The following PLEKHM1 variants were observed in gnomAD, a reference collection of about 807,000 sequenced individuals.
PLEKHM1 encodes the protein pleckstrin homology domain-containing family M member 1.
In PLEKHM1, 28 loss-of-function variants were observed where a neutral mutation model predicts 94.3. That is an observed-to-expected ratio of 0.30 (90% CI 0.22 to 0.41). The LOEUF (loss-of-function observed/expected upper bound fraction) is 0.41, where lower values mean the gene tolerates loss of function less well. Among genes scored for constraint, PLEKHM1 ranks in the 10% least tolerant of loss-of-function variants. PLEKHM1 has a pLI of 1.00. For missense variants in PLEKHM1, 907 were observed against 1,358.6 expected, an observed-to-expected ratio of 0.67 and a Z score of 5.22; for synonymous variants, 424 against 581.2, an observed-to-expected ratio of 0.73 and a Z score of 3.89.
intron 3 of PLEKHM1, 95 bp from the exon 4 acceptor site, chr17:45,475,821 G>A (rs528191815): frequency 4.7e-6 from 6 of 1,268,968 alleles, no homozygotes; most frequent in South Asian, 2.6e-5. Context: ...AATAACTACT[G>A]CAAATAGATA....
At position 45,437,878 on chromosome 17, in the gene PLEKHM1, C is replaced by T. The variant is rs1567757105; in HGVS notation, c.3151G>A (p.Glu1051Lys). ...GGGCATCAGGCGAAAATGTTCTGTT[C>T]CTGGTACTTGCGCCGGCGGGCACAG... is the stretch of plus-strand genomic sequence containing the variant. ...PRCARRRKYQEQNIFA is the reference protein window; with the variant it reads ...PRCARRRKYQKQNIFA The change falls in exon 12 of 12, where the codon GAA becomes AAA. Residue 1051 changes from glutamate to lysine, a missense_variant. Physicochemically the swap from Glu to Lys is moderately conservative, Grantham distance 56. This residue lies in a region of PLEKHM1 where 254 missense variants were observed against 451.1 expected (regional missense o/e 0.56). Coordinates refer to ENST00000430334, the MANE Select transcript of PLEKHM1 (RefSeq NM_014798.3). The surrounding 1 kb of genome is among the most constrained non-coding windows in gnomAD (Gnocchi z 4.0). The T allele has an allele frequency of 7.4e-6, 12 of 1,613,954 alleles. No homozygotes were observed. The highest frequency in any genetic ancestry group is 1.3e-5 in the African/African-American group (1 of 75,066).
At position 45,445,992 on chromosome 17, in the gene PLEKHM1, C is replaced by T. The variant is rs1335073066; in HGVS notation, c.2644-329G>A. The stretch of plus-strand genomic sequence containing the variant: ...CTCTGGGCCTCACAGATCCTTCCCA[C>T]TCTTTCCTGTCCTCCCAGCCCCTAT... On this transcript the variant is annotated intron_variant, in intron 8 of 11. Transcript: ENST00000430334. This position sits in a 1 kb window ranked among gnomAD's most constrained non-coding sequence, Gnocchi z 4.2. 2 of 482,944 alleles carry T rather than the reference C, an allele frequency of 4.1e-6. No homozygotes were observed. Among genetic ancestry groups the T allele is most frequent in the Non-Finnish European group, 7.5e-6 (2 of 265,492 alleles). The allele number at this position is 482,944 out of a possible 1,614,324, so 29.9% of individuals were successfully genotyped here.
In PLEKHM1 at chr17:45,445,444, C is replaced by T. The variant is rs762914393; in HGVS notation, c.2837+26G>A. On this transcript the variant is annotated intron_variant, in intron 9 of 11. Transcript: ENST00000430334. The surrounding 1 kb of genome is among the most constrained non-coding windows in gnomAD (Gnocchi z 4.2). The stretch of plus-strand genomic sequence containing the variant: ...GCATGTGCGTGTGTACGTGCACTCA[C>T]ACGCATACACGTAGAGGTTGCTCAC... 1.3e-6 allele frequency: 2 copies of T among 1,598,170 alleles called. No homozygotes were observed. Among genetic ancestry groups the T allele is most frequent in the African/African-American group, 1.3e-5 (1 of 74,924 alleles).
rs193070177 is a variant in PLEKHM1, at chr17:45,444,069, G to A, written c.2837+1401C>T. Among the ~76,000 whole-genome samples, 51 of 152,252 alleles carry A rather than the reference G, an allele frequency of 3.3e-4. No individual in the cohort carries two copies. The East Asian group carries it at 6.8e-3, about 20-fold the overall frequency. On this transcript the variant is annotated intron_variant, in intron 9 of 11. Coordinates refer to ENST00000430334, the MANE Select transcript of PLEKHM1 (RefSeq NM_014798.3). The surrounding 1 kb of genome is among the most constrained non-coding windows in gnomAD (Gnocchi z 5.0). The stretch of plus-strand genomic sequence containing the variant: ...CTTGAGAGCCCCTGGGGACCTGCTC[G>A]AGGCACACCCTGGCCCTGAGGAGGC...
chr17:45,442,880 T>G (rs944697249), intron 9 of PLEKHM1, among the ~76,000 whole-genome samples: 3 of 152,188 alleles, frequency 2.0e-5, no homozygotes, highest in African/African-American at 7.2e-5. Flanking sequence ...GTCAGTGAGC[T>G]GTGCTCCTGC....
At chr17:45,446,072 G>T (rs1401615749) in intron 8 of PLEKHM1, 2 of 303,766 alleles carry the variant, frequency 6.6e-6, no homozygotes, top group Non-Finnish European at 1.3e-5. Flanking sequence ...TCAGGAACCA[G>T]GTGACGGGCT....
chr17:45,490,483 C>T (rs2052278999), intron 1 of PLEKHM1, among the ~76,000 whole-genome samples, 169 bp downstream of exon 1: 1 of 151,888 alleles, frequency 6.6e-6, no homozygotes, highest in African/African-American at 2.4e-5. Context: ...AAGGCTGGGT[C>T]GGAGAGGAGC....
intron 5 of PLEKHM1, among the ~76,000 whole-genome samples, 172 bp from the exon 6 acceptor site, chr17:45,458,611 C>T (rs927264650): frequency 1.3e-5 from 2 of 152,176 alleles, no homozygotes; most frequent in East Asian, 3.9e-4. Flanking sequence ...GCTGGGATTA[C>T]AGGCGCCCAC....
At chr17:45,482,645 T>C (rs2051990601) in intron 1 of PLEKHM1, 120 bp from the exon 2 acceptor site, 1 of 691,512 alleles carries the variant, frequency 1.4e-6, no homozygotes, top group South Asian at 1.5e-5. Flanking sequence ...AAAAGGCCTT[T>C]GCAGAACACA....
Position 45,435,926 on chromosome 17 carries a change from C to T in PLEKHM1, c.*1932G>A. ...GATGAGAAAGATCAGGTCTTTACTG[C>T]AAAATCATTCAAAACTCACACGGCA... is the stretch of plus-strand genomic sequence containing the variant. On this transcript the variant is annotated 3_prime_UTR_variant, in exon 12 of 12. Transcript: ENST00000430334. 2.2e-6 allele frequency: 1 copy of T among 456,078 alleles called. No individual in the cohort carries two copies. Among genetic ancestry groups the T allele is most frequent in the South Asian group, 1.5e-5 (1 of 64,550 alleles). 28.3% of individuals were successfully genotyped at this position (456,078 alleles called of 1,614,324 possible). A position where few individuals can be genotyped will look rare whatever the true frequency, so the allele number is the denominator to read the frequency against.
intron 5 of PLEKHM1, among the ~76,000 whole-genome samples, chr17:45,460,959 A>C (rs551732880): frequency 2.0e-5 from 3 of 152,270 alleles, no homozygotes; most frequent in African/African-American, 7.2e-5. Flanking sequence ...ATCCTGGCTC[A>C]CTGCAAGCTC....
chr17:45,473,238 T>C (rs1320894651), intron 4 of PLEKHM1, among the ~76,000 whole-genome samples: 2 of 152,092 alleles, frequency 1.3e-5, no homozygotes, highest in Admixed American at 6.6e-5. Flanking sequence ...CATTAAATAC[T>C]GGGCTGATTA....
intron 11 of PLEKHM1, 77 bp from the exon 12 acceptor site, chr17:45,438,046 G>T: frequency 9.3e-7 from 1 of 1,077,376 alleles, no homozygotes; most frequent in South Asian, 1.3e-5. Flanking sequence ...CAGCCCTTTT[G>T]ACCAGAACCC....
chr17:45,468,182 GCC>G (rs2051378535), intron 5 of PLEKHM1, 25 bp downstream of exon 5: 1 of 1,612,598 alleles, frequency 6.2e-7, no homozygotes, highest in African/African-American at 1.3e-5. Flanking sequence ...TCCCAAGACT[GCC>G]CCCTGAACGG....
At position 45,437,560 on chromosome 17, in the gene PLEKHM1, G is replaced by C; in HGVS notation, c.*298C>G. ...CAGTGTTTGGGCAGCCCTAACGGAG[G>C]CGCCGGGACGCTGGTGAGCCAGGGC... On this transcript the variant is annotated 3_prime_UTR_variant, in exon 12 of 12. Transcript: ENST00000430334. This position sits in a 1 kb window ranked among gnomAD's most constrained non-coding sequence, Gnocchi z 4.0. 1.6e-6 allele frequency: 1 copy of C among 625,030 alleles called. No homozygotes were observed. The allele number at this position is 625,030 out of a possible 1,614,324, so 38.7% of individuals were successfully genotyped here.
At position 45,437,422 on chromosome 17, in the gene PLEKHM1, A is replaced by G; in HGVS notation, c.*436T>C. ...TTTCATGGGTGACTCACGTAGGGTC[A>G]AGAATAAAAAAATACTTTCTGTTGA... On this transcript the variant is annotated 3_prime_UTR_variant, in exon 12 of 12. Coordinates refer to ENST00000430334, the MANE Select transcript of PLEKHM1 (RefSeq NM_014798.3). The surrounding 1 kb of genome is among the most constrained non-coding windows in gnomAD (Gnocchi z 4.0). 1 of 455,854 alleles carries G rather than the reference A, an allele frequency of 2.2e-6. No homozygotes were observed. The highest frequency in any genetic ancestry group is 4.4e-6 in the Non-Finnish European group (1 of 227,994). 28.2% of individuals were successfully genotyped at this position (455,854 alleles called of 1,614,324 possible). A position where few individuals can be genotyped will look rare whatever the true frequency, so the allele number is the denominator to read the frequency against.
intron 4 of PLEKHM1, among the ~76,000 whole-genome samples, chr17:45,473,530 T>G (rs1645742783): frequency 6.6e-6 from 1 of 152,112 alleles, no homozygotes; most frequent in East Asian, 1.9e-4. Flanking sequence ...GGAGAGAAAG[T>G]AATAAATAAG....
chr17:45,449,496 A>T (rs915285904), intron 8 of PLEKHM1, among the ~76,000 whole-genome samples: 1 of 151,882 alleles, frequency 6.6e-6, no homozygotes, highest in Non-Finnish European at 1.5e-5. Context: ...CCATCCACTC[A>T]TCCACCTAAC....
intron 5 of PLEKHM1, among the ~76,000 whole-genome samples, chr17:45,466,498 T>C (rs2051325103): frequency 6.6e-6 from 1 of 152,230 alleles, no homozygotes; most frequent in African/African-American, 2.4e-5. Flanking sequence ...ATAAATATAC[T>C]ATTTTTGTCC....
Sources: allele counts gnomAD v4.1 joint callset (sites outside exome capture counted in the v4.1 genomes callset), GRCh38; gene constraint gnomAD v4.1.1; regional missense constraint gnomAD v4.1.1; non-coding constraint Gnocchi (gnomAD v3.1); transcripts MANE v1.5; gene names NCBI Gene and HGNC (gene_info 2026-07-23, HGNC 2026-07-21).